Variants in CAMK2D observed in about 807,000 individuals in gnomAD.
CAMK2D encodes the protein calcium/calmodulin dependent protein kinase II delta.
In CAMK2D, 37 loss-of-function variants were observed where a neutral mutation model predicts 84.0. The ratio of observed to expected loss-of-function variants is 0.44; its 90% confidence interval spans 0.34 to 0.58. CAMK2D has a LOEUF of 0.58. CAMK2D is among the 20% of genes least tolerant of loss of function. The pLI is 0.02. For missense variants in CAMK2D, 448 were observed against 652.5 expected (o/e 0.69, Z 3.41); for synonymous variants, 202 against 212.5 (o/e 0.95, Z 0.43).
intron 3 of CAMK2D, among the ~76,000 whole-genome samples, chr4:113,628,860 T>C (rs2099078008): frequency 1.3e-5 from 2 of 152,022 alleles, no homozygotes; most frequent in East Asian, 3.9e-4. Flanking sequence ...AAGTTGAAGG[T>C]TTGGCTGAAC....
chr4:113,682,010 C>T (rs1270991767), intron 2 of CAMK2D, among the ~76,000 whole-genome samples: 1 of 152,102 alleles, frequency 6.6e-6, no homozygotes, highest in Non-Finnish European at 1.5e-5. Flanking sequence ...GCATGGGATA[C>T]AGGAGCAGTG....
At chr4:113,683,218 C>T (rs1404868798) in intron 2 of CAMK2D, among the ~76,000 whole-genome samples, 1 of 152,092 alleles carries the variant, frequency 6.6e-6, no homozygotes, top group African/African-American at 2.4e-5. Context: ...TTTTCCCCAC[C>T]CACCTCCTAT....
At chr4:113,550,761 G>A (rs1412235033) in intron 5 of CAMK2D, among the ~76,000 whole-genome samples, 1 of 152,188 alleles carries the variant, frequency 6.6e-6, no homozygotes, top group Non-Finnish European at 1.5e-5. Flanking sequence ...GGACCCTAAT[G>A]TGGGGATTTG....
intron 2 of CAMK2D, among the ~76,000 whole-genome samples, chr4:113,703,923 CTTT>C (rs11460715): frequency 1.5e-5 from 2 of 129,398 alleles, no homozygotes; most frequent in Non-Finnish European, 3.2e-5. Context: ...TTCTTATGAC[CTTT>C]TTTTTTTTTT....
chr4:113,560,124 T>TCAGGCTA, intron 4 of CAMK2D, among the ~76,000 whole-genome samples: 1 of 151,772 alleles, frequency 6.6e-6, no homozygotes, highest in South Asian at 2.1e-4. Context: ...AAGGAAGGGC[T>TCAGGCTA]CAGGCTACAG....
intron 2 of CAMK2D, among the ~76,000 whole-genome samples, chr4:113,699,601 A>T (rs978682423): frequency 6.6e-6 from 1 of 152,188 alleles, no homozygotes; most frequent in Non-Finnish European, 1.5e-5. Flanking sequence ...CAAGAAAAAT[A>T]ATCAGATCAG....
intron 4 of CAMK2D, among the ~76,000 whole-genome samples, chr4:113,584,791 G>A (rs981148658): frequency 2.0e-5 from 3 of 152,042 alleles, no homozygotes; most frequent in African/African-American, 7.3e-5. Flanking sequence ...AATTGTGGTG[G>A]TTTCCAAAAG....
At chr4:113,557,430 T>C (rs2098672388) in intron 4 of CAMK2D, among the ~76,000 whole-genome samples, 1 of 152,210 alleles carries the variant, frequency 6.6e-6, no homozygotes, top group Non-Finnish European at 1.5e-5. Flanking sequence ...TCCTCAAGCA[T>C]AGTAAGCTCC....
At chr4:113,667,486 G>C (rs1022083859) in intron 2 of CAMK2D, among the ~76,000 whole-genome samples, 7 of 152,196 alleles carry the variant, frequency 4.6e-5, no homozygotes, top group Non-Finnish European at 8.8e-5. Context: ...TAGCTACTCA[G>C]AGGCCTTCTT....
chr4:113,488,649 G>C (rs1325717258), intron 16 of CAMK2D, among the ~76,000 whole-genome samples: 4 of 152,104 alleles, frequency 2.6e-5, no homozygotes, highest in Non-Finnish European at 4.4e-5. Context: ...AGTTTATGTA[G>C]TTTTTTATAA....
Position 113,454,525 on chromosome 4 carries a change from GA to G in CAMK2D, c.*30-11del. 2.6e-6 allele frequency: 2 copies of G among 778,528 alleles called. No homozygotes were observed. The highest frequency in any genetic ancestry group is 2.7e-5 in the South Asian group (2 of 74,400). The allele number at this position is 778,528 out of a possible 1,614,324, so 48.2% of individuals were successfully genotyped here. ...CACTGTTGAAATTTAGCTGAAAGGA[GA>G]AAGGGGGAGGAAGAAATAAATTATA... is the stretch of plus-strand genomic sequence containing the variant. On this transcript the variant is annotated splice_polypyrimidine_tract_variant and intron_variant, in intron 20 of 20. Coordinates refer to ENST00000511664, the MANE Select transcript of CAMK2D (RefSeq NM_001321571.2).
At chr4:113,597,432 T>C (rs1471203148) in intron 4 of CAMK2D, among the ~76,000 whole-genome samples, 2 of 152,232 alleles carry the variant, frequency 1.3e-5, no homozygotes, top group Non-Finnish European at 2.9e-5. Context: ...CTTCCTTCCT[T>C]AAACCTCAAG....
At position 113,547,520 on chromosome 4, in the gene CAMK2D, G is replaced by A. The variant is rs115779011; in HGVS notation, c.414+124C>T. On this transcript the variant is annotated intron_variant, in intron 6 of 20. Transcript: ENST00000511664. ...GACTGTGGTGAGGGAAAGTTCCTGA[G>A]TAACGTGCTGGAATAAGTCCACACA... 8.0e-4 allele frequency: 405 copies of A among 505,492 alleles called. 4 individuals are homozygous for A. Among genetic ancestry groups the A allele is most frequent in the African/African-American group, 7.3e-3 (374 of 51,212 alleles). The allele number at this position is 505,492 out of a possible 1,614,324, so 31.3% of individuals were successfully genotyped here.
At chr4:113,740,539 C>T (rs552960227) in intron 2 of CAMK2D, among the ~76,000 whole-genome samples, 2 of 151,988 alleles carry the variant, frequency 1.3e-5, no homozygotes, top group African/African-American at 2.4e-5. Context: ...ATAAATCTCA[C>T]ATTTAAGTCA....
At chr4:113,530,955 G>A (rs1437155768) in intron 8 of CAMK2D, among the ~76,000 whole-genome samples, 4 of 152,008 alleles carry the variant, frequency 2.6e-5, no homozygotes, top group African/African-American at 4.8e-5. Flanking sequence ...ATGGTTGCAC[G>A]TGCCTGTAAT....
intron 4 of CAMK2D, among the ~76,000 whole-genome samples, chr4:113,589,979 C>G (rs571241193): frequency 6.6e-6 from 1 of 152,210 alleles, no homozygotes; most frequent in South Asian, 2.1e-4. Flanking sequence ...GGCCAAATTA[C>G]CTCTATGATA....
chr4:113,660,816 A>G (rs186889312), intron 3 of CAMK2D, among the ~76,000 whole-genome samples: 3,844 of 137,352 alleles, frequency 0.028, 175 homozygotes, highest in African/African-American at 0.094. Flanking sequence ...TTTTTTTGAG[A>G]CAGAGTCTCG....
At chr4:113,515,827 C>T (rs1240763306) in intron 9 of CAMK2D, among the ~76,000 whole-genome samples, 1 of 152,164 alleles carries the variant, frequency 6.6e-6, no homozygotes, top group African/African-American at 2.4e-5. Context: ...CAAATTTCAC[C>T]AAAGTATATG....
chr4:113,755,314 A>G (rs1027632420), intron 2 of CAMK2D, among the ~76,000 whole-genome samples: 7 of 151,940 alleles, frequency 4.6e-5, no homozygotes, highest in Non-Finnish European at 1.0e-4. Context: ...AGGAATTAAT[A>G]AAACTAGTAA....
Sources: gnomAD v4.1 joint callset for allele counts (sites outside exome capture counted in the v4.1 genomes callset) on GRCh38, gnomAD v4.1.1 for gene constraint, MANE v1.5 for transcripts, NCBI Gene and HGNC (gene_info 2026-07-23, HGNC 2026-07-21) for gene names.